The following NPIPB2 variants were observed in gnomAD, a reference collection of about 807,000 sequenced individuals.
The protein encoded by NPIPB2 is nuclear pore complex interacting protein family member B2, also known as nuclear pore complex-interacting protein family member B2.
In NPIPB2, 27 loss-of-function variants were observed where a neutral mutation model predicts 30.8. The ratio of observed to expected loss-of-function variants is 0.88; its 90% CI spans 0.65 to 1.21. NPIPB2 has a LOEUF of 1.21. Ranked by LOEUF, NPIPB2 falls within the 50% of genes most tolerant of loss-of-function variation. NPIPB2 has a pLI of 0.00. For missense variants in NPIPB2, 440 were observed against 446.2 expected (o/e 0.99, Z 0.13); for synonymous variants, 147 against 162.0 (o/e 0.91, Z 0.70).
intron 1 of NPIPB2, among the ~76,000 whole-genome samples, chr16:11,951,661 CACACA>C (rs1567473678): frequency 4.0e-5 from 6 of 148,764 alleles, no homozygotes; most frequent in African/African-American, 7.4e-5. Context: ...CACACACACA[CACACA>C]CCCAGCCCCC....
At chr16:11,936,795 C>G (rs1463379282) in intron 2 of NPIPB2, among the ~76,000 whole-genome samples, 1 of 143,612 alleles carries the variant, frequency 7.0e-6, no homozygotes, top group Non-Finnish European at 1.5e-5. Context: ...CCCAGACACA[C>G]TTTTCATTGA....
chr16:11,932,618 A>C (rs1340983709), intron 4 of NPIPB2, among the ~76,000 whole-genome samples: 2 of 144,728 alleles, frequency 1.4e-5, no homozygotes, highest in South Asian at 2.4e-4. Flanking sequence ...TCTACTAAAA[A>C]TACAAAAATT....
rs1408875108 is a variant in NPIPB2 at position 11,976,067 on chromosome 16, G to A, written c.-584+501C>T. Among the ~76,000 whole-genome samples, 2 of 151,996 alleles carry A rather than the reference G, an allele frequency of 1.3e-5. 1 individual carries two copies. The highest frequency in any genetic ancestry group is 4.2e-4 in the South Asian group (2 of 4,810). On this transcript the variant is annotated intron_variant, in intron 1 of 5. Transcript: ENST00000538896. ...AAGTGCTGGGACCTTCCTAGAATTA[G>A]GCAGAAAAGCCCAAACTCCTTCCTC...
chr16:11,936,649 A>T (rs1273872456), intron 2 of NPIPB2, among the ~76,000 whole-genome samples: 37 of 145,078 alleles, frequency 2.6e-4, no homozygotes, highest in Non-Finnish European at 2.7e-4. Flanking sequence ...ACCCAAAGGA[A>T]AAAAGGCTCA....
chr16:11,959,607 T>C (rs942935950), intron 1 of NPIPB2, among the ~76,000 whole-genome samples: 6 of 151,942 alleles, frequency 3.9e-5, no homozygotes. Flanking sequence ...AATCATATTA[T>C]TAAAAAAAAA....
intron 1 of NPIPB2, among the ~76,000 whole-genome samples, chr16:11,948,462 G>A (rs893259083): frequency 3.3e-5 from 5 of 152,050 alleles, no homozygotes; most frequent in African/African-American, 4.8e-5. Flanking sequence ...AATACAGACT[G>A]TGGAGTGTGT....
chr16:11,941,841 A>C, intron 1 of NPIPB2, 142 bp downstream of exon 1: 1 of 1,145,806 alleles, frequency 8.7e-7, no homozygotes. Context: ...CACAAACCTG[A>C]TTTCTGGTCC....
At chr16:11,958,849 G>A (rs1164052549) in intron 1 of NPIPB2, among the ~76,000 whole-genome samples, 4 of 152,162 alleles carry the variant, frequency 2.6e-5, no homozygotes, top group East Asian at 1.9e-4. Context: ...TGAGTGTTAC[G>A]GGATAAGGGA....
rs1203757676 is a variant in NPIPB2, at chr16:11,930,336, T to C, written c.590+114A>G. 1.5e-5 allele frequency: 15 copies of C among 1,007,204 alleles called. No homozygotes were observed. In the East Asian group the frequency reaches 4.0e-4, roughly 27 times the overall value. 62.4% of individuals were successfully genotyped at this position (1,007,204 alleles called of 1,614,324 possible). The stretch of plus-strand genomic sequence containing the variant: ...TCTCTCTCTCTCTCACGATATGTCT[T>C]CTGACCATTTGTTTCTATTTCTGCA... On this transcript the variant is annotated intron_variant, in intron 5 of 7. Transcript: ENST00000399147.
intron 1 of NPIPB2, among the ~76,000 whole-genome samples, chr16:11,966,677 G>C (rs2055196781): frequency 6.6e-6 from 1 of 152,122 alleles, no homozygotes; most frequent in Non-Finnish European, 1.5e-5. Context: ...TCCTAGCCAG[G>C]TCTGCTACTG....
chr16:11,970,736 T>C (rs1270378427), intron 1 of NPIPB2, among the ~76,000 whole-genome samples: 1 of 151,684 alleles, frequency 6.6e-6, no homozygotes, highest in Non-Finnish European at 1.5e-5. Flanking sequence ...GGGTTTCACC[T>C]TGTTGGACAC....
intron 1 of NPIPB2, among the ~76,000 whole-genome samples, chr16:11,969,144 G>A (rs192955365): frequency 3.3e-5 from 5 of 152,170 alleles, no homozygotes; most frequent in East Asian, 3.9e-4. Flanking sequence ...TGGGATTACC[G>A]GTGTGAGCTA....
chr16:11,935,672 G>A (rs2054855853), intron 2 of NPIPB2, among the ~76,000 whole-genome samples: 1 of 150,088 alleles, frequency 6.7e-6, no homozygotes, highest in Non-Finnish European at 1.5e-5. Context: ...TCTGCACATA[G>A]GATAAAAAAA....
At chr16:11,976,638 C>T (rs2055303598), upstream of NPIPB2, 2 of 398,604 alleles carry the variant, frequency 5.0e-6, no homozygotes, top group Non-Finnish European at 8.5e-6. Context: ...ATCTGCGCCG[C>T]GGTTTACGTT....
At chr16:11,973,761 G>A (rs2055250388) in intron 1 of NPIPB2, among the ~76,000 whole-genome samples, 1 of 152,008 alleles carries the variant, frequency 6.6e-6, no homozygotes, top group Admixed American at 6.6e-5. Flanking sequence ...CTCCCAAAGT[G>A]CTGGGATTAC....
intron 1 of NPIPB2, among the ~76,000 whole-genome samples, chr16:11,950,281 C>G (rs1416028753): frequency 6.6e-6 from 1 of 152,088 alleles, no homozygotes; most frequent in Non-Finnish European, 1.5e-5. Flanking sequence ...GGTGATCTGC[C>G]CACCTCAGCC....
At chr16:11,967,822 T>G (rs2055207971) in intron 1 of NPIPB2, 1 of 1,613,842 alleles carries the variant, frequency 6.2e-7, no homozygotes, top group African/African-American at 1.3e-5. Context: ...GCTACGGAGA[T>G]AGAGAAATCA....
intron 1 of NPIPB2, among the ~76,000 whole-genome samples, chr16:11,952,121 C>G (rs1357665716): frequency 1.4e-5 from 2 of 146,840 alleles, no homozygotes; most frequent in African/African-American, 5.1e-5. Context: ...CCATTGCACT[C>G]CAGCCTGGGC....
chr16:11,972,850 G>C (rs991562637), intron 1 of NPIPB2, among the ~76,000 whole-genome samples: 1 of 147,804 alleles, frequency 6.8e-6, no homozygotes, highest in African/African-American at 2.5e-5. Flanking sequence ...GCAACAGAGC[G>C]AGATTCGGAC....
Sources: gnomAD v4.1 joint callset for allele counts (sites outside exome capture counted in the v4.1 genomes callset) on GRCh38, gnomAD v4.1.1 for gene constraint, MANE v1.5 for transcripts, NCBI Gene and HGNC (gene_info 2026-07-23, HGNC 2026-07-21) for gene names.